ADARB2: variants seen among roughly 807,000 people sequenced by gnomAD.
ADARB2 encodes adenosine deaminase RNA specific B2 (inactive), also known as inactive double-stranded RNA-specific editase B2.
In ADARB2, 25 loss-of-function variants were observed where a neutral mutation model predicts 62.2. The ratio of observed to expected loss-of-function variants is 0.40; its 90% CI spans 0.29 to 0.56. The LOEUF (loss-of-function observed/expected upper bound fraction) is 0.56, where lower values mean the gene tolerates loss of function less well. ADARB2 is among the 20% of genes least tolerant of loss of function. The probability of loss-of-function intolerance (pLI) is 0.43; values close to 1 mark genes in which losing one functional copy is unlikely to be tolerated. For missense variants in ADARB2, 1,071 were observed against 1,077.4 expected (o/e 0.99, Z 0.08); for synonymous variants, 572 against 500.8 (o/e 1.14, Z -1.90).
chr10:1,636,862 A>C (rs955548504), intron 1 of ADARB2, among the ~76,000 whole-genome samples: 2 of 148,432 alleles, frequency 1.3e-5, no homozygotes, highest in Admixed American at 6.8e-5. Flanking sequence ...AAAACATATA[A>C]TATTGATATG....
intron 4 of ADARB2, among the ~76,000 whole-genome samples, chr10:1,258,523 T>C (rs1831101833): frequency 6.6e-6 from 1 of 152,108 alleles, no homozygotes; most frequent in South Asian, 2.1e-4. Flanking sequence ...AAACAGTCTT[T>C]AAACCAACAA....
At chr10:1,736,960 C>CAA in intron 1 of ADARB2, 91 bp downstream of exon 1, 1 of 1,363,182 alleles carries the variant, frequency 7.3e-7, no homozygotes, top group Non-Finnish European at 1.0e-6. Context: ...AAGCTGCTCA[C>CAA]AACGGACAAG....
At chr10:1,248,505 G>A (rs897467367) in intron 4 of ADARB2, among the ~76,000 whole-genome samples, 1 of 152,246 alleles carries the variant, frequency 6.6e-6, no homozygotes, top group Non-Finnish European at 1.5e-5. Flanking sequence ...CAGGCGTGTA[G>A]GCTTCTGGTG....
At chr10:1,671,235 G>A (rs1157514731) in intron 1 of ADARB2, among the ~76,000 whole-genome samples, 3 of 152,128 alleles carry the variant, frequency 2.0e-5, no homozygotes, top group Non-Finnish European at 2.9e-5. Flanking sequence ...GCCCCCACCC[G>A]CCTTGGGCCC....
At chr10:1,413,133 G>A (rs1358375013) in intron 1 of ADARB2, among the ~76,000 whole-genome samples, 6 of 146,522 alleles carry the variant, frequency 4.1e-5, no homozygotes, top group Admixed American at 6.8e-5. Context: ...GGCAGGAGAC[G>A]GGTGTTAGAA....
intron 7 of ADARB2, among the ~76,000 whole-genome samples, chr10:1,205,827 C>T (rs1429655813): frequency 6.6e-6 from 1 of 152,234 alleles, no homozygotes; most frequent in East Asian, 1.9e-4. Context: ...ATCCTGACTG[C>T]TGACGTTTGG....
rs1831415950 is a variant in ADARB2, at chr10:1,477,400, C to T, written c.101-98240G>A. Among the ~76,000 whole-genome samples, 1 of 152,212 alleles carries T rather than the reference C, an allele frequency of 6.6e-6. No homozygotes were observed. The highest frequency in any genetic ancestry group is 1.5e-5 in the Non-Finnish European group (1 of 68,040). On this transcript the variant is annotated intron_variant, in intron 1 of 9. Coordinates refer to ENST00000381312, the MANE Select transcript of ADARB2 (RefSeq NM_018702.4). The surrounding 1 kb of genome is among the most constrained non-coding windows in gnomAD (Gnocchi z 4.5). ...CATGACCTTATCTGCCCATGGCCCC[C>T]TCCAGCATGACCCTATACAGCTTCC...
chr10:1,233,621 G>A, intron 6 of ADARB2, 73 bp downstream of exon 6: 8 of 1,496,270 alleles, frequency 5.3e-6, no homozygotes, highest in Non-Finnish European at 7.2e-6. Context: ...GGCTGTGAAA[G>A]CCCAGGACAG....
Position 1,711,220 on chromosome 10 carries a change from A to C in ADARB2, c.100+25831T>G, listed in dbSNP as rs1588362137. Among the ~76,000 whole-genome samples the C allele has an allele frequency of 2.6e-5, 4 of 152,280 alleles. No individual in the cohort carries two copies. In the South Asian group the frequency reaches 8.3e-4, roughly 32 times the overall value. ...TGTTTGGCCAGTGGGGAGCTGACTT[A>C]CACTTAAAACATGAGAAGCTGAGAA... is the stretch of plus-strand genomic sequence containing the variant. On this transcript the variant is annotated intron_variant, in intron 1 of 9. Transcript: ENST00000381312.
chr10:1,721,614 T>G (rs890765719), intron 1 of ADARB2, among the ~76,000 whole-genome samples: 6 of 152,240 alleles, frequency 3.9e-5, no homozygotes, highest in African/African-American at 1.2e-4. Flanking sequence ...ATAAAGAATT[T>G]TATGCATTAT....
At chr10:1,375,723 G>A (rs1588237213) in intron 2 of ADARB2, among the ~76,000 whole-genome samples, 1 of 152,102 alleles carries the variant, frequency 6.6e-6, no homozygotes, top group Admixed American at 6.5e-5. Flanking sequence ...ACATATGTGC[G>A]TGCACACATG....
chr10:1,576,319 T>G (rs1295408032), intron 1 of ADARB2, among the ~76,000 whole-genome samples: 1 of 116,260 alleles, frequency 8.6e-6, no homozygotes, highest in Admixed American at 9.4e-5. Context: ...GGTCACAGGA[T>G]GGGTCTCAGG....
chr10:1,712,164 C>T (rs570383815), intron 1 of ADARB2, among the ~76,000 whole-genome samples: 13 of 152,318 alleles, frequency 8.5e-5, no homozygotes, highest in Admixed American at 8.5e-4. Context: ...CAAATTCGTG[C>T]AGGAAACTTC....
chr10:1,258,826 C>A (rs139171423), intron 4 of ADARB2, among the ~76,000 whole-genome samples: 1 of 152,262 alleles, frequency 6.6e-6, no homozygotes, highest in African/African-American at 2.4e-5. Context: ...AAGTCTCCAC[C>A]CCAAATCAAC....
At chr10:1,510,120 CTTTCTTTCTTTCTTT>C (rs1831911860) in intron 1 of ADARB2, among the ~76,000 whole-genome samples, 5 of 113,222 alleles carry the variant, frequency 4.4e-5, no homozygotes, top group African/African-American at 1.8e-4. Flanking sequence ...CTCTTTCTTT[CTTTCTTTCTTTCTTT>C]CTTTCTTTCT....
intron 1 of ADARB2, among the ~76,000 whole-genome samples, chr10:1,393,147 G>A (rs1832584600): frequency 6.6e-6 from 1 of 152,100 alleles, no homozygotes; most frequent in African/African-American, 2.4e-5. Flanking sequence ...TTGAGCTATT[G>A]GTGGAATGTG....
intron 1 of ADARB2, among the ~76,000 whole-genome samples, chr10:1,604,968 T>G (rs945790143): frequency 2.6e-5 from 4 of 152,190 alleles, no homozygotes; most frequent in African/African-American, 9.7e-5. Flanking sequence ...AAGGGCAAAC[T>G]CTTATGGTCA....
At chr10:1,676,028 C>T (rs573770464) in intron 1 of ADARB2, 177 of 985,276 alleles carry the variant, frequency 1.8e-4, no homozygotes, top group Admixed American at 1.2e-3. Flanking sequence ...TGAGTCAGGG[C>T]GCGTTTCTAA....
intron 1 of ADARB2, among the ~76,000 whole-genome samples, chr10:1,616,404 G>A: frequency 6.6e-6 from 1 of 152,146 alleles, no homozygotes; most frequent in Admixed American, 6.5e-5. Context: ...GCTGAGCTCT[G>A]CATCCTGGGA....
Sources: allele counts gnomAD v4.1 joint callset (sites outside exome capture counted in the v4.1 genomes callset), GRCh38; gene constraint gnomAD v4.1.1; non-coding constraint Gnocchi (gnomAD v3.1); transcripts MANE v1.5; gene names NCBI Gene and HGNC (gene_info 2026-07-23, HGNC 2026-07-21).